The following ZMIZ2 variants were observed in gnomAD, a reference collection of about 807,000 sequenced individuals.
ZMIZ2 encodes zinc finger MIZ-type containing 2.
A neutral mutation model predicts 93.9 loss-of-function variants in ZMIZ2; 26 were observed. The observed-to-expected ratio is 0.28, with a 90% CI of 0.20 to 0.38. The LOEUF is 0.38. ZMIZ2 is among the 10% of genes least tolerant of loss of function. The pLI is 1.00. For missense variants in ZMIZ2, 1,023 were observed against 1,235.0 expected (o/e 0.83, Z 2.57); for synonymous variants, 485 against 516.4 (o/e 0.94, Z 0.82).
At chr7:44,757,345 G>T in intron 4 of ZMIZ2, 33 bp from the exon 5 acceptor site, 1 of 1,588,758 alleles carries the variant, frequency 6.3e-7, no homozygotes. Flanking sequence ...ATGAGCCCAC[G>T]CAGAGAGCGT....
Position 44,762,187 on chromosome 7 carries a change from C to T in ZMIZ2, c.1596+282C>T, listed in dbSNP as rs368674633. 7.2e-5 allele frequency among the ~76,000 whole-genome samples: 11 copies of T among 152,370 alleles called. 1 individual carries two copies. In the East Asian group the frequency reaches 1.5e-3, roughly 21 times the overall value. The stretch of plus-strand genomic sequence containing the variant: ...TATTTCAGAAAAATGCGTTGCTTCT[C>T]TTTGTTACTGCCTTGTATTTCTATT... On this transcript the variant is annotated intron_variant, in intron 11 of 18. Coordinates refer to ENST00000309315, the MANE Select transcript of ZMIZ2 (RefSeq NM_031449.4).
rs527521738 is a variant in ZMIZ2, at chr7:44,752,690, G to A, written c.-62-3498G>A. ...TTCATCCAGGTTGTTGCATATATCA[G>A]TAGTTCATTCCTTTATATTGCATCC... On this transcript the variant is annotated intron_variant, in intron 1 of 18. Transcript: ENST00000309315. 9.2e-5 allele frequency among the ~76,000 whole-genome samples: 14 copies of A among 152,296 alleles called. No homozygotes were observed. The East Asian group carries it at 2.5e-3, about 27-fold the overall frequency.
In ZMIZ2 at chr7:44,767,488, C is replaced by G. The variant is rs537369569; in HGVS notation, c.2656-28C>G. ...AGGTGTGGCCAGTCAGTGACCAAAGCTGCTAACAGAGTTCACTTTGTCCTC... is the reference window on the plus strand; with the variant it reads ...AGGTGTGGCCAGTCAGTGACCAAAGGTGCTAACAGAGTTCACTTTGTCCTC... On this transcript the variant is annotated intron_variant, in intron 18 of 18. Transcript: ENST00000309315. 8.2e-6 allele frequency: 13 copies of G among 1,583,566 alleles called. No individual in the cohort carries two copies. In the South Asian group the frequency reaches 1.2e-4, roughly 15 times the overall value.
intron 13 of ZMIZ2, 105 bp from the exon 14 acceptor site, chr7:44,764,314 T>C (rs575838705): frequency 2.9e-6 from 3 of 1,035,488 alleles, no homozygotes; most frequent in African/African-American, 3.1e-5. Flanking sequence ...ATCTCAGTTA[T>C]GCATGTAAAT....
At chr7:44,750,394 A>T (rs1583599890) in intron 1 of ZMIZ2, among the ~76,000 whole-genome samples, 1 of 151,996 alleles carries the variant, frequency 6.6e-6, no homozygotes, top group African/African-American at 2.4e-5. Context: ...ATATGTGAGT[A>T]CCCCACTTTT....
At chr7:44,757,779 G>C in intron 5 of ZMIZ2, 69 bp from the exon 6 acceptor site, 1 of 1,250,514 alleles carries the variant, frequency 8.0e-7, no homozygotes. Flanking sequence ...GGGTGGGCGG[G>C]TTTTATGCCT....
At position 44,756,696 on chromosome 7, in the gene ZMIZ2, C is replaced by T. The variant is rs146361246; in HGVS notation, c.165+157C>T. On this transcript the variant is annotated intron_variant, in intron 3 of 18. Transcript: ENST00000309315. ...ATGAGGATGGGGCCTCCTGAGTCCCCTAAGTCTTTGGACACTGGTTCTCTT... is the reference window on the plus strand; with the variant it reads ...ATGAGGATGGGGCCTCCTGAGTCCCTTAAGTCTTTGGACACTGGTTCTCTT... 5.5e-4 allele frequency: 462 copies of T among 832,928 alleles called. 2 individuals carry two copies. Among genetic ancestry groups the T allele is most frequent in the East Asian group, 2.0e-3 (74 of 37,946 alleles). 51.6% of individuals were successfully genotyped at this position (832,928 alleles called of 1,614,324 possible).
rs1473137912 is a variant in ZMIZ2, at chr7:44,757,027, C to G, written c.246C>G (p.Ala82=). The G allele has an allele frequency of 6.2e-7, 1 of 1,612,408 alleles. No homozygotes were observed. Among genetic ancestry groups the G allele is most frequent in the South Asian group, 1.1e-5 (1 of 91,020 alleles). ...MMPGVAGGSS[A]LTSPQCLGQQ... ...CTGGTGTGGCAGGGGGCAGCTCCGC[C>G]TTGACCTCCCCACAGTGCCTGGGAC... is the stretch of plus-strand genomic sequence containing the variant. The change falls in exon 4 of 19, where the codon GCC becomes GCG. Residue 82 remains alanine (A), a synonymous_variant. Transcript: ENST00000309315.
chr7:44,760,257 G>A (rs753998721), intron 8 of ZMIZ2, 29 bp downstream of exon 8: 52 of 1,600,846 alleles, frequency 3.2e-5, no homozygotes, highest in Middle Eastern at 1.7e-4. Context: ...AGGATGGGCC[G>A]GGAGGCTCAC....
In ZMIZ2 at chr7:44,766,622, A is replaced by G. The variant is rs1791736368; in HGVS notation, c.2614A>G (p.Ser872Gly). ...SPATGVMGPP[S>G]MSGAGEAPEP... The stretch of plus-strand genomic sequence containing the variant: ...TGCCACAGGCGTGATGGGGCCCCCC[A>G]GCATGTCTGGAGCCGGGGAGGCCCC... The change falls in exon 18 of 19, where the codon AGC becomes GGC. Residue 872 changes from serine to glycine, a missense_variant. Physicochemically the swap from Ser to Gly is moderately conservative, Grantham distance 56 (BLOSUM62 0). Coordinates refer to ENST00000309315, the MANE Select transcript of ZMIZ2 (RefSeq NM_031449.4). The surrounding 1 kb of genome is among the most constrained non-coding windows in gnomAD (Gnocchi z 4.4). The G allele has an allele frequency of 6.2e-7, 1 of 1,613,150 alleles. No homozygotes were observed. The highest frequency in any genetic ancestry group is 8.5e-7 in the Non-Finnish European group (1 of 1,179,988).
rs183114518 is a variant in ZMIZ2, at chr7:44,768,729, A to G, written c.*1106A>G. The G allele has an allele frequency of 6.6e-6, 1 of 151,970 alleles. No homozygotes were observed. The highest frequency in any genetic ancestry group is 6.5e-5 in the Admixed American group (1 of 15,276). 9.4% of individuals were successfully genotyped at this position (151,970 alleles called of 1,614,324 possible). A position where few individuals can be genotyped will look rare whatever the true frequency, so the allele number is the denominator to read the frequency against. ...TCCCTCCTTTGTGCTCCCAGGGACT[A>G]TTTTCTCCTCGTAAGCCAGCGACCT... On this transcript the variant is annotated 3_prime_UTR_variant, in exon 19 of 19. Coordinates refer to ENST00000309315, the MANE Select transcript of ZMIZ2 (RefSeq NM_031449.4).
Position 44,761,929 on chromosome 7 carries a change from CG to C in ZMIZ2, c.1596+26del. ...GCGTGCGTGTCCTGCGCCGAGGGGG[CG>C]GTGCTGTGGCGTGGGGCGGGGTGTG... On this transcript the variant is annotated intron_variant, in intron 11 of 18. Transcript: ENST00000309315. This position sits in a 1 kb window ranked among gnomAD's most constrained non-coding sequence, Gnocchi z 5.8. 2 of 1,345,056 alleles carry C rather than the reference CG, an allele frequency of 1.5e-6. No individual in the cohort carries two copies. The highest frequency in any genetic ancestry group is 2.0e-6 in the Non-Finnish European group (2 of 1,015,868). The allele number at this position is 1,345,056 out of a possible 1,614,324, so 83.3% of individuals were successfully genotyped here.
rs1276847540 is a variant in ZMIZ2 at position 44,757,130 on chromosome 7, G to T, written c.349G>T (p.Ala117Ser). 6.3e-7 allele frequency: 1 copy of T among 1,595,120 alleles called. No individual in the cohort carries two copies. The highest frequency in any genetic ancestry group is 1.1e-5 in the South Asian group (1 of 89,136). Residue 117 changes from alanine (A) to serine (S), a missense_variant, in exon 4 of 19, where the codon GCC becomes TCC. Physicochemically the swap from Ala to Ser is moderately conservative, Grantham distance 99 (BLOSUM62 1). Around this residue, in one of 3 missense-constraint regions of ZMIZ2, gnomAD observed 656 missense variants for 777.1 expected, o/e 0.84. Coordinates refer to ENST00000309315, the MANE Select transcript of ZMIZ2 (RefSeq NM_031449.4). The stretch of plus-strand genomic sequence containing the variant: ...GTACAGCCGCGGGGGCTACCCTGGG[G>T]CCCCCGGCTTCACCACCGGGTAAGC... Reference protein sequence around the residue: ...GVYSRGGYPGAPGFTTGYAGG... With the variant: ...GVYSRGGYPGSPGFTTGYAGG...
Position 44,765,119 on chromosome 7 carries a change from A to G in ZMIZ2, c.1997+110A>G. On this transcript the variant is annotated intron_variant, in intron 15 of 18. Coordinates refer to ENST00000309315, the MANE Select transcript of ZMIZ2 (RefSeq NM_031449.4). The surrounding 1 kb of genome is among the most constrained non-coding windows in gnomAD (Gnocchi z 4.1). The stretch of plus-strand genomic sequence containing the variant: ...TGCAGCCTTCCAGCCTTTTTCCGGC[A>G]TGGAGCAGGCTGGATTCCAGGCCAG... The G allele has an allele frequency of 3.3e-6, 5 of 1,501,936 alleles. No individual in the cohort carries two copies. The highest frequency in any genetic ancestry group is 4.6e-6 in the Non-Finnish European group (5 of 1,096,070). 93.0% of individuals were successfully genotyped at this position (1,501,936 alleles called of 1,614,324 possible).
intron 8 of ZMIZ2, 54 bp from the exon 9 acceptor site, chr7:44,760,371 C>T: frequency 6.2e-7 from 1 of 1,600,580 alleles, no homozygotes; most frequent in East Asian, 2.2e-5. Flanking sequence ...TGAACAGACT[C>T]CACTCCCATC....
At position 44,766,357 on chromosome 7, in the gene ZMIZ2, A is replaced by AGGGGCCCTGTCTCCCCAGG; in HGVS notation, c.2412+27_2413-43dup. 6.2e-7 allele frequency: 1 copy of AGGGGCCCTGTCTCCCCAGG among 1,605,860 alleles called. No individual in the cohort carries two copies. On this transcript the variant is annotated intron_variant, in intron 17 of 18. Coordinates refer to ENST00000309315, the MANE Select transcript of ZMIZ2 (RefSeq NM_031449.4). This position sits in a 1 kb window ranked among gnomAD's most constrained non-coding sequence, Gnocchi z 4.4. ...AGGTCAGTGCCAAGCCGAGAGGCCA[A>AGGGGCCCTGTCTCCCCAGG]GGGGCCCTGTCTCCCCAGGGGAGCC...
At chr7:44,757,685 AAG>A (rs1790733030) in intron 5 of ZMIZ2, 124 bp downstream of exon 5, 3 of 1,449,722 alleles carry the variant, frequency 2.1e-6, no homozygotes, top group Non-Finnish European at 2.7e-6. Flanking sequence ...AAGCCAGTAA[AAG>A]AGAGATGTGT....
intron 5 of ZMIZ2, 64 bp downstream of exon 5, chr7:44,757,625 A>G (rs1024421048): frequency 2.1e-5 from 32 of 1,516,820 alleles, no homozygotes; most frequent in Admixed American, 2.0e-4. Context: ...GGAGGTACTC[A>G]GCCAGACAGT....
At position 44,763,052 on chromosome 7, in the gene ZMIZ2, ATCC is replaced by A. The variant is rs1245619986; in HGVS notation, c.1702+71_1702+73del. On this transcript the variant is annotated intron_variant, in intron 12 of 18. Coordinates refer to ENST00000309315, the MANE Select transcript of ZMIZ2 (RefSeq NM_031449.4). The surrounding 1 kb of genome is among the most constrained non-coding windows in gnomAD (Gnocchi z 5.6). ...CATTCTGTGTGGCCCAAGCCCAACA[ATCC>A]TCCTTGTGGGCACCTCCTCGTGTCA... The A allele has an allele frequency of 2.6e-6, 4 of 1,521,606 alleles. No individual in the cohort carries two copies. Among genetic ancestry groups the A allele is most frequent in the Admixed American group, 1.8e-5 (1 of 55,280 alleles). The allele number at this position is 1,521,606 out of a possible 1,614,324, so 94.3% of individuals were successfully genotyped here. A position where few individuals can be genotyped will look rare whatever the true frequency, so the allele number is the denominator to read the frequency against.
Sources: gnomAD v4.1 joint callset for allele counts (sites outside exome capture counted in the v4.1 genomes callset) on GRCh38, gnomAD v4.1.1 for gene constraint, gnomAD v4.1.1 regional missense constraint, Gnocchi (gnomAD v3.1) non-coding constraint, MANE v1.5 for transcripts, NCBI Gene and HGNC (gene_info 2026-07-23, HGNC 2026-07-21) for gene names.